Variants in FKBP1C observed in about 807,000 individuals in gnomAD.
FKBP1C encodes the protein FKBP prolyl isomerase family member 1C.
FKBP1C carries 7 observed loss-of-function variants against 7.1 expected under a neutral mutation model. The observed-to-expected ratio is 0.99, with a 90% confidence interval of 0.56 to 1.86. The LOEUF (loss-of-function observed/expected upper bound fraction) is 1.86. FKBP1C is among the 40% of genes most tolerant of loss of function. FKBP1C has a pLI of 0.00. For synonymous variants in FKBP1C, 56 were observed against 51.2 expected, an observed-to-expected ratio of 1.09 and a Z score of -0.40; for missense variants, 159 against 139.9, an observed-to-expected ratio of 1.14 and a Z score of -0.69.
exon 1 of FKBP1C, chr6:63,212,964 C>G (rs1238742979): frequency 6.0e-6 from 1 of 165,984 alleles, no homozygotes; most frequent in South Asian, 2.1e-4. Flanking sequence ...CCCCTAGCAC[C>G]ATATATGAGT....
chr6:63,211,781 G>A (rs1766108633), exon 1 of FKBP1C: 1 of 1,613,798 alleles, frequency 6.2e-7, no homozygotes, highest in Non-Finnish European at 8.5e-7. Flanking sequence ...GAGCCAAACT[G>A]ACTATATCTC....
At chr6:63,212,568 G>A (rs1449154382) in exon 1 of FKBP1C, 1 of 162,140 alleles carries the variant, frequency 6.2e-6, no homozygotes, top group Non-Finnish European at 1.5e-5. Flanking sequence ...GGCCAGCAGG[G>A]ACCTCTGAAG....
exon 1 of FKBP1C, chr6:63,211,514 GCCGCCCGTCGCGCTGC>G: frequency 6.4e-6 from 5 of 785,208 alleles, no homozygotes; most frequent in Middle Eastern, 6.7e-4. Context: ...GTCGGTCCAC[GCCGCCCGTCGCGCTGC>G]CCGCCCGCTC....
chr6:63,211,591 A>G (rs757200786), exon 1 of FKBP1C: 5 of 1,535,850 alleles, frequency 3.3e-6, no homozygotes, highest in Admixed American at 3.4e-5. Flanking sequence ...TCCCCAGGAG[A>G]CTGGCGCACC....
chr6:63,212,342 A>C, exon 1 of FKBP1C: 1 of 189,470 alleles, frequency 5.3e-6, no homozygotes, highest in Non-Finnish European at 1.2e-5. Context: ...GCTGCGCTGC[A>C]AAACCATAGC....
At chr6:63,211,547 G>A (rs878960146) in exon 1 of FKBP1C, 3 of 1,204,692 alleles carry the variant, frequency 2.5e-6, no homozygotes, top group East Asian at 2.4e-5. Context: ...GCTCGGCGTC[G>A]GCCGCCGCCA....
the FKBP1C span, chr6:63,211,878 G>T: frequency 1.2e-6 from 2 of 1,612,900 alleles, no homozygotes; most frequent in Admixed American, 3.3e-5. Flanking sequence ...TCTAAAACTG[G>T]AATGACAGGA....
exon 1 of FKBP1C, chr6:63,212,086 T>C: frequency 1.5e-6 from 1 of 649,338 alleles, no homozygotes; most frequent in South Asian, 1.9e-5. Flanking sequence ...TTTCTCCTGG[T>C]ATGTGCGTTT....
chr6:63,211,856 C>T (rs569595066), exon 1 of FKBP1C: 11 of 1,613,114 alleles, frequency 6.8e-6, no homozygotes, highest in East Asian at 2.2e-5. Flanking sequence ...CTCTCGTCTT[C>T]GATGTGGAGC....
chr6:63,211,724 G>T, exon 1 of FKBP1C: 1 of 1,614,030 alleles, frequency 6.2e-7, no homozygotes, highest in Middle Eastern at 1.7e-4. Flanking sequence ...AGCAGGAGGT[G>T]ATCCGAGGCT....
At chr6:63,212,362 G>C (rs762504021) in exon 1 of FKBP1C, 36 of 184,628 alleles carry the variant, frequency 1.9e-4, no homozygotes, top group Non-Finnish European at 3.9e-4. Context: ...CAGATTTGAG[G>C]CACTGTTGAG....
chr6:63,211,850 C>A (rs1766109810), exon 1 of FKBP1C: 1 of 1,612,722 alleles, frequency 6.2e-7, no homozygotes, highest in African/African-American at 1.3e-5. Context: ...ATGCCACTCT[C>A]GTCTTCGATG....
exon 1 of FKBP1C, chr6:63,212,982 T>A (rs1033523135): frequency 1.2e-5 from 2 of 165,106 alleles, no homozygotes; most frequent in Non-Finnish European, 2.9e-5. Context: ...AGTCTCAAGT[T>A]TTATTATTGC....
At chr6:63,213,024 A>AAAT (rs1766128890), downstream of FKBP1C, 4 of 154,154 alleles carry the variant, frequency 2.6e-5, no homozygotes, top group African/African-American at 7.6e-5. Context: ...CTTTTCTCAA[A>AAAT]AAATAAATAA....
At chr6:63,212,727 C>T (rs1031987115) in exon 1 of FKBP1C, 1 of 166,564 alleles carries the variant, frequency 6.0e-6, no homozygotes, top group South Asian at 2.1e-4. Context: ...ATTGAAGGTG[C>T]TGTTTGTAGA....
At chr6:63,211,794 G>C (rs770892300) in exon 1 of FKBP1C, 1 of 1,613,976 alleles carries the variant, frequency 6.2e-7, no homozygotes, top group East Asian at 2.2e-5. Context: ...TATATCTCCA[G>C]ATTATGCCTA....
exon 1 of FKBP1C, chr6:63,212,002 G>A (rs1766112098): frequency 1.0e-5 from 12 of 1,192,498 alleles, no homozygotes; most frequent in Non-Finnish European, 1.3e-5. Context: ...ACTCCACTTT[G>A]TATAGACATC....
At chr6:63,211,631 G>A (rs1766105862) in exon 1 of FKBP1C, 5 of 1,611,534 alleles carry the variant, frequency 3.1e-6, no homozygotes, top group African/African-American at 1.3e-5. Context: ...CCTGCGTGAT[G>A]CACTACACCG....
exon 1 of FKBP1C, chr6:63,213,013 G>A (rs1303864803): frequency 1.2e-5 from 1 of 80,552 alleles, no homozygotes; most frequent in African/African-American, 5.6e-5. Flanking sequence ...CTTTATGCTG[G>A]CTTTTCTCAA....
Sources: allele counts gnomAD v4.1 joint callset, GRCh38; gene constraint gnomAD v4.1.1; transcripts MANE v1.5; gene names NCBI Gene and HGNC (gene_info 2026-07-23, HGNC 2026-07-21).